LMTK3: variants seen among roughly 807,000 people sequenced by gnomAD.
The protein encoded by LMTK3 is serine/threonine-protein kinase LMTK3.
LMTK3 carries 27 observed loss-of-function variants against 116.7 expected under a neutral mutation model. That is an observed-to-expected ratio of 0.23 (90% CI 0.17 to 0.32). The LOEUF (loss-of-function observed/expected upper bound fraction) is 0.32. LMTK3 is among the 10% of genes least tolerant of loss of function. LMTK3 has a pLI of 1.00. For missense variants in LMTK3, 1,764 were observed against 2,068.5 expected, an observed-to-expected ratio of 0.85 and a Z score of 2.86; for synonymous variants, 965 against 971.0, an observed-to-expected ratio of 0.99 and a Z score of 0.11.
rs1972442793 is a variant in LMTK3, at chr19:48,500,441, A to G, written c.1152-524T>C. 6.6e-6 allele frequency among the ~76,000 whole-genome samples: 1 copy of G among 151,646 alleles called. No individual in the cohort carries two copies. The highest frequency in any genetic ancestry group is 2.1e-4 in the South Asian group (1 of 4,804). On this transcript the variant is annotated intron_variant, in intron 10 of 14. Transcript: ENST00000600059. This position sits in a 1 kb window ranked among gnomAD's most constrained non-coding sequence, Gnocchi z 4.0. The stretch of plus-strand genomic sequence containing the variant: ...ATCTGCCAAAAAAAAAGAAAGAGAG[A>G]GAGGGACAGAGACCCAGAGAGAGAG...
At chr19:48,503,018 G>A (rs773204276) in intron 5 of LMTK3, 22 bp from the exon 6 acceptor site, 1 of 1,521,296 alleles carries the variant, frequency 6.6e-7, no homozygotes, top group Non-Finnish European at 9.1e-7. Context: ...GGAGGTGGCT[G>A]AGTTGGGAAG....
intron 11 of LMTK3, among the ~76,000 whole-genome samples, chr19:48,496,055 G>A (rs1972316403): frequency 6.6e-6 from 1 of 152,216 alleles, no homozygotes; most frequent in Non-Finnish European, 1.5e-5. Context: ...TGGCACACTG[G>A]ATAGATGCCT....
chr19:48,489,404 C>G (rs1164303624), intron 14 of LMTK3, among the ~76,000 whole-genome samples: 2 of 152,162 alleles, frequency 1.3e-5, no homozygotes, highest in African/African-American at 4.8e-5. Context: ...GAAACCCCGT[C>G]TCTACTAAAA....
rs1972356988 is a variant in LMTK3, at chr19:48,497,687, C to T, written c.3382G>A (p.Gly1128Arg). 3 of 1,313,740 alleles carry T rather than the reference C, an allele frequency of 2.3e-6. No individual in the cohort carries two copies. Among genetic ancestry groups the T allele is most frequent in the East Asian group, 3.1e-5 (1 of 32,364 alleles). 81.4% of individuals were successfully genotyped at this position (1,313,740 alleles called of 1,614,324 possible). Residue 1128 changes from glycine to arginine, a missense_variant, in exon 11 of 15, where the codon GGA becomes AGA. Physicochemically the swap from Gly to Arg is moderately radical, Grantham distance 125 (BLOSUM62 -2). Coordinates refer to ENST00000600059, the MANE Select transcript of LMTK3 (RefSeq NM_001388485.1). The surrounding 1 kb of genome is among the most constrained non-coding windows in gnomAD (Gnocchi z 5.7). ...GTGTAPGGGP[G>R]SGVDAKAGWV... ...CCGGCCTTTGCGTCCACGCCGCTTC[C>T]GGGGCCGCCGCCGGGGGCCGTCCCC... is the stretch of plus-strand genomic sequence containing the variant.
Position 48,511,613 on chromosome 19 carries a change from G to T in LMTK3, c.-37C>A. 2.3e-6 allele frequency: 2 copies of T among 869,786 alleles called. No individual in the cohort carries two copies. The highest frequency in any genetic ancestry group is 3.3e-6 in the Non-Finnish European group (2 of 611,210). The allele number at this position is 869,786 out of a possible 1,614,324, so 53.9% of individuals were successfully genotyped here. On this transcript the variant is annotated 5_prime_UTR_variant, in exon 1 of 15. Transcript: ENST00000600059. The stretch of plus-strand genomic sequence containing the variant: ...TGGCAGGGAGGTGGAGGTGGTGGCG[G>T]CTGGGGAGGAGGGGGGGGCGGGCCC...
intron 12 of LMTK3, 134 bp downstream of exon 12, chr19:48,493,559 CG>C: frequency 7.8e-7 from 1 of 1,281,260 alleles, no homozygotes; most frequent in Non-Finnish European, 1.0e-6. Flanking sequence ...CTTCAGGCCC[CG>C]CCCCACTCCA....
Position 48,499,612 on chromosome 19 carries a change from C to A in LMTK3, c.1457G>T (p.Arg486Leu), listed in dbSNP as rs1163957979. ...TGCCCCCCCACCCCGGCCGGCCCCA[C>A]GCCGGGCCTTCTCCCACAGGCACTC... ...NLECLWEKARRGAGRGGGAPA... is the reference protein window; with the variant it reads ...NLECLWEKARLGAGRGGGAPA... Residue 486 changes from arginine (R) to leucine (L), a missense_variant, in exon 11 of 15, where the codon CGT becomes CTT. Arg to Leu is a moderately radical substitution (Grantham distance 102, BLOSUM62 -2). Around this residue, in one of 7 missense-constraint regions of LMTK3, gnomAD observed 1,028 missense variants for 1,050.6 expected, o/e 0.98. Coordinates refer to ENST00000600059, the MANE Select transcript of LMTK3 (RefSeq NM_001388485.1). The A allele has an allele frequency of 2.6e-6, 4 of 1,541,024 alleles. No homozygotes were observed. Among genetic ancestry groups the A allele is most frequent in the Non-Finnish European group, 3.5e-6 (4 of 1,143,472 alleles).
Position 48,491,571 on chromosome 19 carries a change from G to A in LMTK3, c.4093-32C>T. On this transcript the variant is annotated intron_variant, in intron 12 of 14. Coordinates refer to ENST00000600059, the MANE Select transcript of LMTK3 (RefSeq NM_001388485.1). This position sits in a 1 kb window ranked among gnomAD's most constrained non-coding sequence, Gnocchi z 5.1. ...AGGCAGATTAGGGGGAAGCCAGAGG[G>A]GACAAACCTTCACGTCCCATTTACC... 1 of 1,323,182 alleles carries A rather than the reference G, an allele frequency of 7.6e-7. No individual in the cohort carries two copies. Among genetic ancestry groups the A allele is most frequent in the South Asian group, 2.5e-5 (1 of 40,160 alleles). The allele number at this position is 1,323,182 out of a possible 1,614,324, so 82.0% of individuals were successfully genotyped here.
chr19:48,500,048 C>G lies in LMTK3; in HGVS notation c.1152-131G>C, dbSNP rs1972435185. On this transcript the variant is annotated intron_variant, in intron 10 of 14. Coordinates refer to ENST00000600059, the MANE Select transcript of LMTK3 (RefSeq NM_001388485.1). The surrounding 1 kb of genome is among the most constrained non-coding windows in gnomAD (Gnocchi z 4.0). Reference sequence around the variant, plus strand: ...TAACAGAGACCCAGAGAGAGGGGGACAGAGACCCAGAGAGAGGGGGACAGA... The same window carrying G: ...TAACAGAGACCCAGAGAGAGGGGGAGAGAGACCCAGAGAGAGGGGGACAGA... 5 of 796,096 alleles carry G rather than the reference C, an allele frequency of 6.3e-6. No individual in the cohort carries two copies. The highest frequency in any genetic ancestry group is 1.8e-5 in the African/African-American group (1 of 55,338). 49.3% of individuals were successfully genotyped at this position (796,096 alleles called of 1,614,324 possible).
intron 11 of LMTK3, among the ~76,000 whole-genome samples, chr19:48,496,261 C>T (rs1385262007): frequency 6.6e-6 from 1 of 151,902 alleles, no homozygotes; most frequent in Non-Finnish European, 1.5e-5. Flanking sequence ...AGGTGCATGC[C>T]ACCACGCTGG....
At position 48,499,170 on chromosome 19, in the gene LMTK3, C is replaced by G; in HGVS notation, c.1899G>C (p.Gly633=). ...GDPAEVLGER[G]TAPWVEEEEE... The stretch of plus-strand genomic sequence containing the variant: ...CTTCTTCTTCCACCCACGGGGCGGT[C>G]CCCCGCTCCCCCAAGACCTCGGCAG... The change falls in exon 11 of 15, where the codon GGG becomes GGC. Residue 633 remains glycine (G), a synonymous_variant. Coordinates refer to ENST00000600059, the MANE Select transcript of LMTK3 (RefSeq NM_001388485.1). 2 of 1,497,198 alleles carry G rather than the reference C, an allele frequency of 1.3e-6. No homozygotes were observed. Among genetic ancestry groups the G allele is most frequent in the Non-Finnish European group, 1.8e-6 (2 of 1,121,822 alleles). 92.7% of individuals were successfully genotyped at this position (1,497,198 alleles called of 1,614,324 possible). A position where few individuals can be genotyped will look rare whatever the true frequency, so the allele number is the denominator to read the frequency against.
At chr19:48,489,253 T>C (rs1972178780) in intron 14 of LMTK3, among the ~76,000 whole-genome samples, 1 of 152,218 alleles carries the variant, frequency 6.6e-6, no homozygotes, top group African/African-American at 2.4e-5. Context: ...ATTGACTTAA[T>C]TAAGTGCAGT....
At position 48,511,657 on chromosome 19, in the gene LMTK3, G is replaced by A. The variant is rs1972665668; in HGVS notation, c.-81C>T. 1 of 615,152 alleles carries A rather than the reference G, an allele frequency of 1.6e-6. No homozygotes were observed. 38.1% of individuals were successfully genotyped at this position (615,152 alleles called of 1,614,324 possible). ...CGGGCCCTCAGCCCCCAGCCATGGG[G>A]ACCCGCGCGACCCTGGCCTCCTCCC... On this transcript the variant is annotated 5_prime_UTR_variant, in exon 1 of 15. Coordinates refer to ENST00000600059, the MANE Select transcript of LMTK3 (RefSeq NM_001388485.1).
intron 11 of LMTK3, among the ~76,000 whole-genome samples, chr19:48,496,629 A>AT (rs1262425411): frequency 6.6e-6 from 1 of 151,704 alleles, no homozygotes; most frequent in Non-Finnish European, 1.5e-5. Flanking sequence ...TTGTATTTTT[A>AT]GTAGAGATGG....
In LMTK3 at chr19:48,508,709, C is replaced by G. The variant is rs1037744559; in HGVS notation, c.557+142G>C. 5 of 713,368 alleles carry G rather than the reference C, an allele frequency of 7.0e-6. No homozygotes were observed. In the African/African-American group the frequency reaches 8.7e-5, roughly 12 times the overall value. The allele number at this position is 713,368 out of a possible 1,614,324, so 44.2% of individuals were successfully genotyped here. A position where few individuals can be genotyped will look rare whatever the true frequency, so the allele number is the denominator to read the frequency against. ...CCCTTAGCTCGGTCCAGAGGAAGAACCTGAGGTTCAGGGAGGGAAGTTCTC... is the reference window on the plus strand; with the variant it reads ...CCCTTAGCTCGGTCCAGAGGAAGAAGCTGAGGTTCAGGGAGGGAAGTTCTC... On this transcript the variant is annotated intron_variant, in intron 5 of 14. Coordinates refer to ENST00000600059, the MANE Select transcript of LMTK3 (RefSeq NM_001388485.1).
chr19:48,487,677 A>G (rs1972149360), intron 14 of LMTK3, among the ~76,000 whole-genome samples: 1 of 152,088 alleles, frequency 6.6e-6, no homozygotes, highest in South Asian at 2.1e-4. Flanking sequence ...GGCGAGCAGA[A>G]TGAAAGCCCC....
At chr19:48,502,061 CCCCTG>C (rs1389596350) in intron 7 of LMTK3, among the ~76,000 whole-genome samples, 1 of 104,842 alleles carries the variant, frequency 9.5e-6, no homozygotes, top group Non-Finnish European at 2.0e-5. Context: ...CCCCTCCCCT[CCCCTG>C]GCTCCTCCTC....
intron 1 of LMTK3, 55 bp downstream of exon 1, chr19:48,511,446 G>A: frequency 2.6e-6 from 2 of 782,432 alleles, no homozygotes; most frequent in East Asian, 3.3e-5. Context: ...GGCAGACAGC[G>A]AGGCCGCCGC....
chr19:48,502,450 G>T lies in LMTK3; in HGVS notation c.777C>A (p.Ser259=). The change falls in exon 7 of 15, where the codon TCC becomes TCA. Residue 259 remains serine (S), a synonymous_variant. Coordinates refer to ENST00000600059, the MANE Select transcript of LMTK3 (RefSeq NM_001388485.1). ...CCGCCCACCTGTGCACGTAGTTGTG[G>T]GAATGCAGGTGCGCCAGCCCGCGGG... is the stretch of plus-strand genomic sequence containing the variant. The part of the protein sequence containing the change: ...EIARGLAHLH[S]HNYVHSDLAL... The T allele has an allele frequency of 1.2e-6, 2 of 1,610,966 alleles. No homozygotes were observed. Among genetic ancestry groups the T allele is most frequent in the Non-Finnish European group, 8.5e-7 (1 of 1,179,110 alleles).
Sources: gnomAD v4.1 joint callset for allele counts (sites outside exome capture counted in the v4.1 genomes callset) on GRCh38, gnomAD v4.1.1 for gene constraint, gnomAD v4.1.1 regional missense constraint, Gnocchi (gnomAD v3.1) non-coding constraint, MANE v1.5 for transcripts, NCBI Gene and HGNC (gene_info 2026-07-23, HGNC 2026-07-21) for gene names.